The following NUP153 variants were observed in gnomAD, a reference collection of about 807,000 sequenced individuals.
NUP153 encodes nuclear pore complex protein Nup153.
A neutral mutation model predicts 134.6 loss-of-function variants in NUP153; 27 were observed. The ratio of observed to expected loss-of-function variants is 0.20; its 90% confidence interval spans 0.15 to 0.28. The LOEUF (loss-of-function observed/expected upper bound fraction) is 0.28, where lower values mean the gene tolerates loss of function less well. NUP153 is among the 10% of genes least tolerant of loss of function. The probability of loss-of-function intolerance (pLI) is 1.00; values close to 1 mark genes in which losing one functional copy is unlikely to be tolerated. For synonymous variants in NUP153, 640 were observed against 623.5 expected (o/e 1.03, Z -0.40); for missense variants, 1,821 against 1,731.3 (o/e 1.05, Z -0.92).
Position 17,689,738 on chromosome 6 carries a change from T to C in NUP153, c.112-1120A>G, listed in dbSNP as rs539334637. Among the ~76,000 whole-genome samples the C allele has an allele frequency of 2.6e-5, 4 of 152,020 alleles. No individual in the cohort carries two copies. The South Asian group carries it at 8.3e-4, about 32-fold the overall frequency. On this transcript the variant is annotated intron_variant, in intron 1 of 21. Transcript: ENST00000262077. ...CGGGGTTTCTCCATGTTGGTCAGGCTGGCCTCAAACTCCCGACCTCAGGTG... is the reference window on the plus strand; with the variant it reads ...CGGGGTTTCTCCATGTTGGTCAGGCCGGCCTCAAACTCCCGACCTCAGGTG...
chr6:17,683,943 A>G (rs1296188390), intron 2 of NUP153, among the ~76,000 whole-genome samples: 3 of 152,160 alleles, frequency 2.0e-5, no homozygotes, highest in Non-Finnish European at 4.4e-5. Context: ...TCTTTGGGTC[A>G]TGGGGGCAGA....
intron 2 of NUP153, among the ~76,000 whole-genome samples, chr6:17,677,184 G>A (rs940682513): frequency 2.6e-5 from 4 of 152,188 alleles, no homozygotes; most frequent in African/African-American, 4.8e-5. Context: ...CACATTGGGA[G>A]GCTTAGGAAA....
chr6:17,630,680 A>C lies in NUP153; in HGVS notation c.2660-1141T>G, dbSNP rs1250208516. On this transcript the variant is annotated intron_variant, in intron 17 of 21. Coordinates refer to ENST00000262077, the MANE Select transcript of NUP153 (RefSeq NM_005124.4). ...CACTTCAAAATAAATAAAGAAAAGA[A>C]AACAGAGGAGAGCAGAGGAGACGGG... Among the ~76,000 whole-genome samples, 5 of 150,038 alleles carry C rather than the reference A, an allele frequency of 3.3e-5. No individual in the cohort carries two copies. In the East Asian group the frequency reaches 1.0e-3, roughly 30 times the overall value.
intron 11 of NUP153, among the ~76,000 whole-genome samples, chr6:17,653,380 A>T (rs1211241522): frequency 6.6e-6 from 1 of 152,228 alleles, no homozygotes; most frequent in Non-Finnish European, 1.5e-5. Flanking sequence ...ATACCACCAC[A>T]CACAAACCAG....
intron 2 of NUP153, among the ~76,000 whole-genome samples, chr6:17,676,246 T>A (rs1431352763): frequency 1.3e-5 from 2 of 152,200 alleles, no homozygotes; most frequent in African/African-American, 4.8e-5. Flanking sequence ...TTCACTGTTT[T>A]CCAAATGGTT....
At chr6:17,632,100 T>A (rs975981254) in intron 17 of NUP153, among the ~76,000 whole-genome samples, 2 of 152,168 alleles carry the variant, frequency 1.3e-5, no homozygotes, top group Non-Finnish European at 1.5e-5. Context: ...AGCCACAGCC[T>A]GTATCGCTTT....
rs140462471 is a variant in NUP153 at position 17,666,458 on chromosome 6, G to A, written c.1069-1073C>T. Among the ~76,000 whole-genome samples, 346 of 152,260 alleles carry A rather than the reference G, an allele frequency of 2.3e-3. 6 individuals carry two copies. The highest frequency in any genetic ancestry group is 0.021 in the Admixed American group (319 of 15,294). On this transcript the variant is annotated intron_variant, in intron 8 of 21. Coordinates refer to ENST00000262077, the MANE Select transcript of NUP153 (RefSeq NM_005124.4). Reference sequence around the variant, plus strand: ...TGAACCCGGAGGCAGAGCTTTCAATGGGCCGAGATTGTGCCACCGCACTCC... The same window carrying A: ...TGAACCCGGAGGCAGAGCTTTCAATAGGCCGAGATTGTGCCACCGCACTCC...
chr6:17,625,745 A>C lies in NUP153; in HGVS notation c.3901+63T>G. 8.0e-7 allele frequency: 1 copy of C among 1,252,354 alleles called. No individual in the cohort carries two copies. Among genetic ancestry groups the C allele is most frequent in the Non-Finnish European group, 1.2e-6 (1 of 865,476 alleles). The allele number at this position is 1,252,354 out of a possible 1,614,324, so 77.6% of individuals were successfully genotyped here. A position where few individuals can be genotyped will look rare whatever the true frequency, so the allele number is the denominator to read the frequency against. On this transcript the variant is annotated intron_variant, in intron 19 of 21. Coordinates refer to ENST00000262077, the MANE Select transcript of NUP153 (RefSeq NM_005124.4). The surrounding 1 kb of genome is among the most constrained non-coding windows in gnomAD (Gnocchi z 4.7). Reference sequence around the variant, plus strand: ...AACCTGCTATATGATATTCGCTAAGAACTGACACACTAATAAGTAAAGTCC... The same window carrying C: ...AACCTGCTATATGATATTCGCTAAGCACTGACACACTAATAAGTAAAGTCC...
In NUP153 at chr6:17,675,820, C is replaced by A; in HGVS notation, c.335-50G>T. On this transcript the variant is annotated intron_variant, in intron 2 of 21. Coordinates refer to ENST00000262077, the MANE Select transcript of NUP153 (RefSeq NM_005124.4). The surrounding 1 kb of genome is among the most constrained non-coding windows in gnomAD (Gnocchi z 4.4). ...TGAATATACAACTTAGAGCGATACA[C>A]TACCACAAATGGTTTTTACTTTAAG... The A allele has an allele frequency of 6.4e-7, 1 of 1,559,458 alleles. No homozygotes were observed.
chr6:17,679,920 T>TA (rs1768475183), intron 2 of NUP153, among the ~76,000 whole-genome samples: 1 of 152,176 alleles, frequency 6.6e-6, no homozygotes, highest in African/African-American at 2.4e-5. Flanking sequence ...ATAACTGATT[T>TA]ACAGCATTGT....
chr6:17,631,767 C>T (rs1272946089), intron 17 of NUP153, among the ~76,000 whole-genome samples: 2 of 151,862 alleles, frequency 1.3e-5, no homozygotes, highest in African/African-American at 2.4e-5. Context: ...GAGATTGAGA[C>T]CATCCTGGCT....
At chr6:17,621,102 T>G (rs145899695) in intron 20 of NUP153, among the ~76,000 whole-genome samples, 1 of 152,016 alleles carries the variant, frequency 6.6e-6, no homozygotes, top group Non-Finnish European at 1.5e-5. Flanking sequence ...AAATGGCCAA[T>G]AGACCTGAAA....
In NUP153 at chr6:17,688,617, C is replaced by A; in HGVS notation, c.113G>T (p.Gly38Val). The change falls in exon 2 of 22, where the codon GGC (glycine) becomes GTC (valine). Residue 38 changes from glycine (G) to valine (V), a missense_variant and splice_region_variant. Gly to Val is a moderately radical substitution (Grantham distance 109). Coordinates refer to ENST00000262077, the MANE Select transcript of NUP153 (RefSeq NM_005124.4). ...AGATTCTGTAACCCTGCTAAGAATG[C>A]CCTGTTGAGAGAAAAAACATATTAT... ...PYQQGRQQHQ[G>V]ILSRVTESVK... is the part of the protein sequence containing the mutation. 1 of 1,602,944 alleles carries A rather than the reference C, an allele frequency of 6.2e-7. No individual in the cohort carries two copies.
intron 2 of NUP153, among the ~76,000 whole-genome samples, chr6:17,677,212 C>T (rs1486069093): frequency 6.6e-6 from 1 of 152,122 alleles, no homozygotes; most frequent in African/African-American, 2.4e-5. Flanking sequence ...GACTTGTCCC[C>T]ACAAATATAC....
chr6:17,666,192 A>C (rs1221030028), intron 8 of NUP153, among the ~76,000 whole-genome samples: 2 of 152,034 alleles, frequency 1.3e-5, no homozygotes, highest in South Asian at 4.1e-4. Flanking sequence ...ATTACTGTCC[A>C]TATTTTTTGA....
chr6:17,672,303 C>A (rs1002002771), intron 5 of NUP153, among the ~76,000 whole-genome samples: 24 of 152,118 alleles, frequency 1.6e-4, no homozygotes, highest in African/African-American at 5.1e-4. Flanking sequence ...GCAGGCCAGG[C>A]CTGGTGGTTC....
rs1206098109 is a variant in NUP153, at chr6:17,625,671, AAAC to A, written c.3901+134_3901+136del. ...CATTATTCCATACAGTGAATAATTA[AAAC>A]AACCCTGGTATAGATGACCAAAAGG... On this transcript the variant is annotated intron_variant, in intron 19 of 21. Transcript: ENST00000262077. This position sits in a 1 kb window ranked among gnomAD's most constrained non-coding sequence, Gnocchi z 4.7. 6 of 686,724 alleles carry A rather than the reference AAAC, an allele frequency of 8.7e-6. 1 individual carries two copies. The highest frequency in any genetic ancestry group is 5.4e-5 in the African/African-American group (3 of 55,528). 42.5% of individuals were successfully genotyped at this position (686,724 alleles called of 1,614,324 possible).
At chr6:17,676,204 G>T (rs1183611867) in intron 2 of NUP153, among the ~76,000 whole-genome samples, 1 of 152,134 alleles carries the variant, frequency 6.6e-6, no homozygotes. Flanking sequence ...TCTGAAATTA[G>T]TTATGATGCA....
chr6:17,693,953 T>C (rs1769455413), intron 1 of NUP153, among the ~76,000 whole-genome samples: 1 of 152,212 alleles, frequency 6.6e-6, no homozygotes, highest in Admixed American at 6.5e-5. Context: ...TTTTCAGGTC[T>C]TTGCTTATAT....
Sources: allele counts gnomAD v4.1 joint callset (sites outside exome capture counted in the v4.1 genomes callset), GRCh38; gene constraint gnomAD v4.1.1; non-coding constraint Gnocchi (gnomAD v3.1); transcripts MANE v1.5; gene names NCBI Gene and HGNC (gene_info 2026-07-23, HGNC 2026-07-21).